Variants in SUMF1 observed in about 807,000 individuals in gnomAD.
The protein encoded by SUMF1 is formylglycine-generating enzyme.
Under a neutral mutation model 47.6 loss-of-function variants are expected in SUMF1, and 48 were observed. That is an observed-to-expected ratio of 1.01 (90% CI 0.80 to 1.28). SUMF1 has a LOEUF of 1.28. SUMF1 is among the 50% of genes most tolerant of loss of function. The pLI, the probability that SUMF1 is intolerant of heterozygous loss-of-function variation, is 0.00. For synonymous variants in SUMF1, 230 were observed against 192.1 expected (o/e 1.20, Z -1.63); for missense variants, 571 against 485.4 (o/e 1.18, Z -1.66).
intron 8 of SUMF1, among the ~76,000 whole-genome samples, chr3:4,238,861 C>G (rs1352301416): frequency 6.6e-6 from 1 of 152,134 alleles, no homozygotes; most frequent in African/African-American, 2.4e-5. Context: ...TGCCTATGTC[C>G]TGAATGGTAT....
chr3:4,145,331 T>A (rs1694169085), intron 8 of SUMF1, among the ~76,000 whole-genome samples: 1 of 152,094 alleles, frequency 6.6e-6, no homozygotes, highest in Admixed American at 6.6e-5. Flanking sequence ...AAATATTTGC[T>A]GAATGAATGA....
chr3:4,302,305 C>T (rs531857678), intron 8 of SUMF1, among the ~76,000 whole-genome samples: 2 of 152,176 alleles, frequency 1.3e-5, no homozygotes, highest in East Asian at 1.9e-4. Flanking sequence ...AGGCAGACAA[C>T]GAGAAGCGGG....
intron 8 of SUMF1, among the ~76,000 whole-genome samples, chr3:4,135,066 C>A (rs1214823979): frequency 6.6e-6 from 1 of 152,108 alleles, no homozygotes. Context: ...GGTACCATGC[C>A]TTCTGAAACT....
chr3:4,065,741 A>C (rs1360966308), intron 9 of SUMF1, among the ~76,000 whole-genome samples: 1 of 152,080 alleles, frequency 6.6e-6, no homozygotes, highest in Non-Finnish European at 1.5e-5. Context: ...TCCTTACAAC[A>C]ACCCAGCAAG....
At chr3:4,268,499 CTTTT>C (rs61066874) in intron 8 of SUMF1, among the ~76,000 whole-genome samples, 1 of 117,302 alleles carries the variant, frequency 8.5e-6, no homozygotes, top group Admixed American at 8.7e-5. Context: ...AAATGTTTTT[CTTTT>C]TTTTTTTTTT....
chr3:4,407,548 T>A (rs1044514061), intron 7 of SUMF1, among the ~76,000 whole-genome samples: 1 of 152,182 alleles, frequency 6.6e-6, no homozygotes, highest in Non-Finnish European at 1.5e-5. Flanking sequence ...CCCAATTCCA[T>A]ATATCTGGAA....
chr3:4,269,603 A>T (rs1176491491), intron 8 of SUMF1, among the ~76,000 whole-genome samples: 1 of 152,188 alleles, frequency 6.6e-6, no homozygotes, highest in Non-Finnish European at 1.5e-5. Flanking sequence ...GAGAGTTAAC[A>T]AAGACCAGAA....
intron 8 of SUMF1, among the ~76,000 whole-genome samples, chr3:4,151,391 A>ATATATGTG (rs371961970): frequency 0.03 from 2,494 of 83,208 alleles, 65 homozygotes; most frequent in East Asian, 0.048. Flanking sequence ...ATATATATGT[A>ATATATGTG]TATATATGTA....
intron 8 of SUMF1, among the ~76,000 whole-genome samples, chr3:4,235,534 A>G (rs1329129716): frequency 6.6e-6 from 1 of 152,156 alleles, no homozygotes; most frequent in Non-Finnish European, 1.5e-5. Context: ...TAACCATTAT[A>G]CAACTCTAAA....
intron 8 of SUMF1, among the ~76,000 whole-genome samples, chr3:4,185,580 G>A (rs1229445610): frequency 6.6e-6 from 1 of 152,126 alleles, no homozygotes; most frequent in Non-Finnish European, 1.5e-5. Context: ...CACTTCCAAA[G>A]TTAATACTAA....
chr3:4,310,578 G>A (rs935126912), intron 8 of SUMF1, among the ~76,000 whole-genome samples: 7 of 152,076 alleles, frequency 4.6e-5, no homozygotes, highest in African/African-American at 7.2e-5. Flanking sequence ...CAGTTCATTC[G>A]GAATTAGCTA....
At chr3:4,174,233 G>A (rs1317988977) in intron 8 of SUMF1, among the ~76,000 whole-genome samples, 1 of 151,752 alleles carries the variant, frequency 6.6e-6, no homozygotes, top group Non-Finnish European at 1.5e-5. Context: ...GCAGGCACCT[G>A]TAGTCCCAGC....
At chr3:4,352,628 T>C (rs1699526511) in intron 8 of SUMF1, among the ~76,000 whole-genome samples, 1 of 151,986 alleles carries the variant, frequency 6.6e-6, no homozygotes, top group Non-Finnish European at 1.5e-5. Flanking sequence ...AAAGCCCTTT[T>C]TGGGAGACAT....
chr3:4,298,102 A>T (rs1021162899), intron 8 of SUMF1, among the ~76,000 whole-genome samples: 1 of 152,222 alleles, frequency 6.6e-6, no homozygotes, highest in East Asian at 1.9e-4. Context: ...ATCCAAAAGA[A>T]ATCTGAATAA....
At position 4,452,865 on chromosome 3, in the gene SUMF1, A is replaced by T. The variant is rs993507727; in HGVS notation, c.444+11T>A. The stretch of plus-strand genomic sequence containing the variant: ...AGAACAAGTTCTCCCTCCTTTCCCC[A>T]ATCCCATTACCTCTGTCAAATAGCC... On this transcript the variant is annotated intron_variant, in intron 2 of 8. Coordinates refer to ENST00000272902, the MANE Select transcript of SUMF1 (RefSeq NM_182760.4). 2 of 1,614,150 alleles carry T rather than the reference A, an allele frequency of 1.2e-6. No homozygotes were observed. Among genetic ancestry groups the T allele is most frequent in the Non-Finnish European group, 1.7e-6 (2 of 1,180,034 alleles).
chr3:4,222,233 A>G (rs915061349), intron 8 of SUMF1, among the ~76,000 whole-genome samples: 2 of 152,022 alleles, frequency 1.3e-5, no homozygotes, highest in Non-Finnish European at 2.9e-5. Context: ...TACTGAGCAT[A>G]TAACTTTTTA....
At chr3:4,303,667 T>C in intron 8 of SUMF1, 1 of 1,479,678 alleles carries the variant, frequency 6.8e-7, no homozygotes. Flanking sequence ...CGGGAATAGG[T>C]GTGCATGCCC....
chr3:4,295,401 C>T (rs1697830117), intron 8 of SUMF1, among the ~76,000 whole-genome samples: 2 of 151,836 alleles, frequency 1.3e-5, no homozygotes, highest in Admixed American at 1.3e-4. Context: ...GCTTGTGGAA[C>T]TAAACTTCAT....
At chr3:4,466,172 C>G (rs760749991) in intron 1 of SUMF1, among the ~76,000 whole-genome samples, 4 of 151,936 alleles carry the variant, frequency 2.6e-5, no homozygotes, top group Non-Finnish European at 4.4e-5. Flanking sequence ...AGTGCAGTGG[C>G]AAGATCTCGG....
Sources: allele counts gnomAD v4.1 joint callset (sites outside exome capture counted in the v4.1 genomes callset), GRCh38; gene constraint gnomAD v4.1.1; transcripts MANE v1.5; gene names NCBI Gene and HGNC (gene_info 2026-07-23, HGNC 2026-07-21).